Variants in MAN1A1 observed in about 807,000 individuals in gnomAD.
The protein encoded by MAN1A1 is mannosidase alpha class 1A member 1.
Under a neutral mutation model 70.8 loss-of-function variants are expected in MAN1A1, and 29 were observed. That is an observed-to-expected ratio of 0.41 (90% CI 0.31 to 0.56). The LOEUF is 0.56. Among genes scored for constraint, MAN1A1 ranks in the 20% least tolerant of loss-of-function variants. The pLI is 0.29. For missense variants in MAN1A1, 747 were observed against 841.3 expected (o/e 0.89, Z 1.39); for synonymous variants, 349 against 330.1 (o/e 1.06, Z -0.62).
At chr6:119,263,124 G>A (rs903986175) in intron 5 of MAN1A1, among the ~76,000 whole-genome samples, 4 of 152,034 alleles carry the variant, frequency 2.6e-5, no homozygotes, top group African/African-American at 9.7e-5. Context: ...GGTTCTCCTT[G>A]CTCCTTATCT....
At chr6:119,213,699 C>G (rs920568742) in intron 6 of MAN1A1, among the ~76,000 whole-genome samples, 1 of 152,160 alleles carries the variant, frequency 6.6e-6, no homozygotes, top group Non-Finnish European at 1.5e-5. Context: ...ACCACCAGCG[C>G]TCCCTCAAAA....
intron 6 of MAN1A1, among the ~76,000 whole-genome samples, chr6:119,221,135 T>C (rs547847173): frequency 5.3e-4 from 80 of 151,008 alleles, no homozygotes; most frequent in Non-Finnish European, 9.4e-4. Context: ...TTTCTGAGCA[T>C]AAAATAAATT....
chr6:119,188,704 C>A, intron 10 of MAN1A1, 127 bp from the exon 11 acceptor site: 1 of 844,430 alleles, frequency 1.2e-6, no homozygotes. Flanking sequence ...CAGGACCCTC[C>A]GAGGATAACA....
intron 6 of MAN1A1, among the ~76,000 whole-genome samples, chr6:119,216,305 G>T (rs1774200740): frequency 6.6e-6 from 1 of 152,170 alleles, no homozygotes; most frequent in South Asian, 2.1e-4. Context: ...GCAAGCAAAT[G>T]ATTGTATAGG....
chr6:119,321,695 G>A (rs1284927773), intron 2 of MAN1A1, among the ~76,000 whole-genome samples: 6 of 146,366 alleles, frequency 4.1e-5, no homozygotes, highest in Admixed American at 2.1e-4. Context: ...TCAGCTCACC[G>A]CAGCCTCAAC....
At chr6:119,223,844 G>T (rs1406532876) in intron 6 of MAN1A1, among the ~76,000 whole-genome samples, 1 of 151,728 alleles carries the variant, frequency 6.6e-6, no homozygotes, top group African/African-American at 2.4e-5. Context: ...ATAAAATCTG[G>T]GCATTATATA....
chr6:119,268,021 T>C (rs968740310), intron 5 of MAN1A1, among the ~76,000 whole-genome samples: 2 of 152,164 alleles, frequency 1.3e-5, no homozygotes, highest in Admixed American at 6.5e-5. Flanking sequence ...GGCAAGACTA[T>C]AGGTGATATG....
At chr6:119,187,447 A>T (rs1417378738) in intron 11 of MAN1A1, among the ~76,000 whole-genome samples, 1 of 152,232 alleles carries the variant, frequency 6.6e-6, no homozygotes. Context: ...AAAGAGGCCT[A>T]GAGAATTGCT....
At chr6:119,347,221 A>C (rs1187433328) in intron 2 of MAN1A1, among the ~76,000 whole-genome samples, 2 of 152,188 alleles carry the variant, frequency 1.3e-5, no homozygotes, top group Admixed American at 6.5e-5. Flanking sequence ...TATAATACAA[A>C]GTCACAAATC....
chr6:119,334,374 T>A (rs564680266), intron 2 of MAN1A1, among the ~76,000 whole-genome samples: 3 of 152,338 alleles, frequency 2.0e-5, no homozygotes, highest in African/African-American at 7.2e-5. Flanking sequence ...CATGAAATAC[T>A]TTAAAAGTTA....
chr6:119,199,009 CA>C (rs1562188289), intron 8 of MAN1A1, among the ~76,000 whole-genome samples: 1 of 152,202 alleles, frequency 6.6e-6, no homozygotes, highest in Non-Finnish European at 1.5e-5. Flanking sequence ...GTACTTTACA[CA>C]GATTGTTTTC....
chr6:119,182,898 C>T (rs1773188651), intron 11 of MAN1A1, among the ~76,000 whole-genome samples: 1 of 151,874 alleles, frequency 6.6e-6, no homozygotes, highest in Admixed American at 6.6e-5. Flanking sequence ...CATTTTTCTC[C>T]CATTTAATCC....
At chr6:119,340,185 T>C (rs760643313) in intron 2 of MAN1A1, among the ~76,000 whole-genome samples, 65 of 152,200 alleles carry the variant, frequency 4.3e-4, no homozygotes, top group Non-Finnish European at 7.8e-4. Flanking sequence ...TAGATACCCC[T>C]GAGCTTCCCT....
intron 6 of MAN1A1, among the ~76,000 whole-genome samples, chr6:119,236,673 A>G (rs1774853665): frequency 6.8e-6 from 1 of 145,988 alleles, no homozygotes; most frequent in Non-Finnish European, 1.5e-5. Context: ...GTGACACTGC[A>G]CTCCAGCCTG....
At chr6:119,279,507 C>T (rs995919741) in intron 5 of MAN1A1, among the ~76,000 whole-genome samples, 1 of 152,236 alleles carries the variant, frequency 6.6e-6, no homozygotes, top group African/African-American at 2.4e-5. Flanking sequence ...GGCTACCAGC[C>T]TAGACACTGT....
At chr6:119,189,964 A>C in intron 9 of MAN1A1, 81 bp from the exon 10 acceptor site, 1 of 1,089,336 alleles carries the variant, frequency 9.2e-7, no homozygotes, top group Non-Finnish European at 1.3e-6. Context: ...TTAAAAAAAA[A>C]AGAATAGAAT....
intron 6 of MAN1A1, among the ~76,000 whole-genome samples, chr6:119,209,982 G>C (rs1472928652): frequency 7.1e-6 from 1 of 140,582 alleles, no homozygotes; most frequent in Non-Finnish European, 1.6e-5. Flanking sequence ...TTTAACTAAG[G>C]GCCAAAATAA....
intron 6 of MAN1A1, among the ~76,000 whole-genome samples, chr6:119,217,229 C>T (rs1275635908): frequency 6.6e-6 from 1 of 152,138 alleles, no homozygotes; most frequent in Admixed American, 6.5e-5. Flanking sequence ...GCTGCTTTAA[C>T]TTGCATTTAT....
chr6:119,260,699 A>T lies in MAN1A1; in HGVS notation c.898-12345T>A, dbSNP rs549281786. 2.0e-5 allele frequency among the ~76,000 whole-genome samples: 3 copies of T among 152,316 alleles called. No individual in the cohort carries two copies. The South Asian group carries it at 6.2e-4, about 32-fold the overall frequency. The stretch of plus-strand genomic sequence containing the variant: ...TTCATATATCCCATTTCATGACAAC[A>T]CTGCATCTGTTTTTAATAGATCAGT... On this transcript the variant is annotated intron_variant, in intron 5 of 12. Transcript: ENST00000368468.
Sources: gnomAD v4.1 joint callset for allele counts (sites outside exome capture counted in the v4.1 genomes callset) on GRCh38, gnomAD v4.1.1 for gene constraint, MANE v1.5 for transcripts, NCBI Gene and HGNC (gene_info 2026-07-23, HGNC 2026-07-21) for gene names.